The following RGS7 variants were observed in gnomAD, a reference collection of about 807,000 sequenced individuals.
RGS7 encodes regulator of G-protein signaling 7.
In RGS7, 27 loss-of-function variants were observed where a neutral mutation model predicts 81.1. The observed-to-expected ratio is 0.33, with a 90% CI of 0.25 to 0.46. The LOEUF is 0.46. Among genes scored for constraint, RGS7 ranks in the 20% least tolerant of loss-of-function variants. The pLI, the probability that RGS7 is intolerant of heterozygous loss-of-function variation, is 1.00. For synonymous variants in RGS7, 208 were observed against 207.7 expected, an observed-to-expected ratio of 1.00 and a Z score of -0.01; for missense variants, 396 against 607.4, an observed-to-expected ratio of 0.65 and a Z score of 3.66.
At chr1:241,284,718 A>AC (rs1318652492) in intron 2 of RGS7, among the ~76,000 whole-genome samples, 1 of 151,966 alleles carries the variant, frequency 6.6e-6, no homozygotes, top group Admixed American at 6.6e-5. Context: ...GTGCTGGGGA[A>AC]CCCCATTATA....
At chr1:241,037,025 A>T (rs111724720) in intron 3 of RGS7, among the ~76,000 whole-genome samples, 6,507 of 152,292 alleles carry the variant, frequency 0.043, 189 homozygotes, top group South Asian at 0.15. Flanking sequence ...TTAAGACTTT[A>T]TATGAGTAAG....
At chr1:241,267,935 T>C (rs1328093830) in intron 2 of RGS7, among the ~76,000 whole-genome samples, 2 of 152,266 alleles carry the variant, frequency 1.3e-5, no homozygotes, top group Admixed American at 1.3e-4. Flanking sequence ...TTTTAGAATA[T>C]GCCTTTCCTT....
intron 2 of RGS7, among the ~76,000 whole-genome samples, chr1:241,264,475 C>A (rs2148302924): frequency 6.6e-6 from 1 of 151,724 alleles, no homozygotes; most frequent in Admixed American, 6.6e-5. Flanking sequence ...CCAGCCTGGG[C>A]AACAGAGTGA....
At chr1:241,124,429 A>T (rs1031019412) in intron 2 of RGS7, among the ~76,000 whole-genome samples, 6 of 152,176 alleles carry the variant, frequency 3.9e-5, no homozygotes, top group Non-Finnish European at 8.8e-5. Flanking sequence ...AACAAGAACC[A>T]GAAAATGCAT....
intron 2 of RGS7, among the ~76,000 whole-genome samples, chr1:241,201,038 C>T (rs923985646): frequency 2.5e-4 from 38 of 152,200 alleles, no homozygotes; most frequent in African/African-American, 9.2e-4. Context: ...CCCATACCTT[C>T]TCCCTATGTT....
chr1:241,285,586 A>G (rs2078764880), intron 2 of RGS7, among the ~76,000 whole-genome samples: 1 of 152,216 alleles, frequency 6.6e-6, no homozygotes, highest in African/African-American at 2.4e-5. Context: ...ACATTTGAGG[A>G]AACTGAGTTA....
chr1:240,985,129 C>T (rs1685462971), intron 3 of RGS7, among the ~76,000 whole-genome samples: 3 of 152,180 alleles, frequency 2.0e-5, no homozygotes, highest in African/African-American at 7.2e-5. Flanking sequence ...TCTGGAAGCA[C>T]GATCTTCCCA....
intron 2 of RGS7, among the ~76,000 whole-genome samples, chr1:241,177,815 G>A (rs1234115551): frequency 6.6e-6 from 1 of 152,226 alleles, no homozygotes; most frequent in East Asian, 1.9e-4. Flanking sequence ...TAATTACTAG[G>A]TCTTAGTCTT....
intron 2 of RGS7, among the ~76,000 whole-genome samples, chr1:241,184,221 A>G (rs1393282112): frequency 6.6e-6 from 1 of 152,202 alleles, no homozygotes; most frequent in Non-Finnish European, 1.5e-5. Context: ...TGAGTGAAGT[A>G]GTCTAGGGAT....
intron 6 of RGS7, among the ~76,000 whole-genome samples, chr1:240,888,232 T>C (rs1667703476): frequency 6.6e-6 from 1 of 152,170 alleles, no homozygotes; most frequent in Non-Finnish European, 1.5e-5. Flanking sequence ...GAGGGCGCCA[T>C]TGCACCAGGT....
At chr1:241,181,330 T>C (rs1281115591) in intron 2 of RGS7, among the ~76,000 whole-genome samples, 1 of 152,234 alleles carries the variant, frequency 6.6e-6, no homozygotes, top group Non-Finnish European at 1.5e-5. Flanking sequence ...GAGAAGTCTT[T>C]ATAGCTTCTC....
At chr1:240,977,874 A>G (rs1048399365) in intron 4 of RGS7, among the ~76,000 whole-genome samples, 3 of 152,200 alleles carry the variant, frequency 2.0e-5, no homozygotes, top group African/African-American at 4.8e-5. Context: ...GAGGGCAAAC[A>G]CCACAGAAGA....
intron 3 of RGS7, among the ~76,000 whole-genome samples, chr1:240,995,947 G>A (rs1439395674): frequency 6.6e-6 from 1 of 151,530 alleles, no homozygotes; most frequent in Non-Finnish European, 1.5e-5. Context: ...ATACATTTAT[G>A]TTATAAATAT....
At chr1:241,279,400 A>G (rs1434987887) in intron 2 of RGS7, among the ~76,000 whole-genome samples, 1 of 152,222 alleles carries the variant, frequency 6.6e-6, no homozygotes, top group Non-Finnish European at 1.5e-5. Context: ...TTGAAATTGT[A>G]TGACAAAAAT....
chr1:241,086,684 T>G (rs1055369418), intron 3 of RGS7, among the ~76,000 whole-genome samples: 3 of 152,168 alleles, frequency 2.0e-5, no homozygotes, highest in African/African-American at 7.2e-5. Context: ...TGCTCAAAAT[T>G]TTCAATGGCT....
chr1:241,216,264 C>T (rs2074548305), intron 2 of RGS7, among the ~76,000 whole-genome samples: 1 of 150,844 alleles, frequency 6.6e-6, no homozygotes, highest in Admixed American at 6.6e-5. Flanking sequence ...AAAGCGAGAC[C>T]CTGTCTCAGA....
chr1:241,202,587 C>T (rs547613776), intron 2 of RGS7, among the ~76,000 whole-genome samples: 1 of 152,306 alleles, frequency 6.6e-6, no homozygotes, highest in South Asian at 2.1e-4. Context: ...CTAATGGTAA[C>T]AGACTGAGTG....
intron 3 of RGS7, among the ~76,000 whole-genome samples, chr1:241,001,742 T>C (rs1481558217): frequency 6.6e-6 from 1 of 152,080 alleles, no homozygotes; most frequent in Admixed American, 6.5e-5. Flanking sequence ...GGCAAAACTA[T>C]GGAGAGAGTA....
chr1:241,309,507 A>C (rs1343418051), intron 2 of RGS7, among the ~76,000 whole-genome samples: 1 of 152,218 alleles, frequency 6.6e-6, no homozygotes, highest in Non-Finnish European at 1.5e-5. Context: ...CTGTAAAGAA[A>C]GTTCACTACC....
Sources: gnomAD v4.1 joint callset for allele counts (sites outside exome capture counted in the v4.1 genomes callset) on GRCh38, gnomAD v4.1.1 for gene constraint, MANE v1.5 for transcripts, NCBI Gene and HGNC (gene_info 2026-07-23, HGNC 2026-07-21) for gene names.